The following STIMATE variants were observed in gnomAD, a reference collection of about 807,000 sequenced individuals.
The protein encoded by STIMATE is STIM activating enhancer, also known as store-operated calcium entry regulator STIMATE.
In STIMATE, 15 loss-of-function variants were observed where a neutral mutation model predicts 36.7. That is an observed-to-expected ratio of 0.41 (90% CI 0.27 to 0.63). STIMATE has a LOEUF of 0.63. Among genes scored for constraint, STIMATE ranks in the 20% least tolerant of loss-of-function variants. The pLI, the probability that STIMATE is intolerant of heterozygous loss-of-function variation, is 0.32. For missense variants in STIMATE, 305 were observed against 397.3 expected (o/e 0.77, Z 1.98); for synonymous variants, 163 against 162.3 (o/e 1.00, Z -0.03).
At chr3:52,843,114 T>G in intron 6 of STIMATE, 154 bp from the exon 7 acceptor site, 1 of 1,338,162 alleles carries the variant, frequency 7.5e-7, no homozygotes, top group African/African-American at 1.5e-5. Context: ...TCCCAAAGCT[T>G]AGAAAGAGAT....
At chr3:52,877,957 G>A (rs148477578) in intron 1 of STIMATE, among the ~76,000 whole-genome samples, 4,477 of 152,200 alleles carry the variant, frequency 0.029, 219 homozygotes, top group African/African-American at 0.1. Flanking sequence ...TAGCCAGTGT[G>A]GTGGCACATG....
intron 1 of STIMATE, among the ~76,000 whole-genome samples, chr3:52,887,999 T>TTTTTTTTTTTTTTTTTTG (rs1701719874): frequency 7.7e-6 from 1 of 130,122 alleles, no homozygotes; most frequent in Non-Finnish European, 1.6e-5. Context: ...AATCAGTTTT[T>TTTTTTTTTTTTTTTTTTG]TTTTTTTTTT....
Position 52,842,837 on chromosome 3 carries a change from C to G in STIMATE, c.742G>C (p.Ala248Pro), listed in dbSNP as rs138500617. The change falls in exon 7 of 8, where the codon GCA becomes CCA. Residue 248 changes from alanine (A) to proline (P), a missense_variant. Physicochemically the swap from Ala to Pro is conservative, Grantham distance 27. Around this residue, in one of 3 missense-constraint regions of STIMATE, gnomAD observed 84 missense variants for 82.4 expected, o/e 1.02. Coordinates refer to ENST00000355083, the MANE Select transcript of STIMATE (RefSeq NM_198563.5). ...TCAGACTCAGACTCCTCGTGGGATGCGGCCCTCCGGTAGCGGACCTTGCTC... is the reference window on the plus strand; with the variant it reads ...TCAGACTCAGACTCCTCGTGGGATGGGGCCCTCCGGTAGCGGACCTTGCTC... ...NGSKVRYRRA[A>P]SHEESESEIL... is the part of the protein sequence containing the mutation. 6.2e-7 allele frequency: 1 copy of G among 1,614,086 alleles called. No homozygotes were observed. Among genetic ancestry groups the G allele is most frequent in the African/African-American group, 1.3e-5 (1 of 74,934 alleles).
intron 1 of STIMATE, among the ~76,000 whole-genome samples, chr3:52,894,292 G>A (rs980106913): frequency 6.6e-6 from 1 of 152,200 alleles, no homozygotes; most frequent in African/African-American, 2.4e-5. Context: ...CAACAAGGCA[G>A]TGCTGACACT....
At chr3:52,847,283 T>C in intron 4 of STIMATE, 3 of 1,172,518 alleles carry the variant, frequency 2.6e-6, no homozygotes, top group Non-Finnish European at 3.2e-6. Context: ...TTTAATTATT[T>C]CCTCAGTAGA....
intron 3 of STIMATE, among the ~76,000 whole-genome samples, chr3:52,850,191 G>A (rs1213659447): frequency 1.3e-5 from 2 of 152,210 alleles, no homozygotes; most frequent in Non-Finnish European, 1.5e-5. Flanking sequence ...CCAGCACTTT[G>A]GGAGGCCGAG....
At chr3:52,870,601 G>A (rs956437211) in intron 1 of STIMATE, among the ~76,000 whole-genome samples, 5 of 152,128 alleles carry the variant, frequency 3.3e-5, no homozygotes, top group Admixed American at 1.3e-4. Flanking sequence ...CCAGGGTGAG[G>A]GCACTAGTGA....
intron 1 of STIMATE, among the ~76,000 whole-genome samples, chr3:52,875,720 T>A (rs956097059): frequency 1.3e-5 from 2 of 152,254 alleles, no homozygotes; most frequent in Non-Finnish European, 2.9e-5. Context: ...TTCACTTAAC[T>A]GGGTCACTCA....
At chr3:52,844,330 G>A (rs1487367917) in intron 5 of STIMATE, among the ~76,000 whole-genome samples, 1 of 152,272 alleles carries the variant, frequency 6.6e-6, no homozygotes, top group Non-Finnish European at 1.5e-5. Flanking sequence ...GGTCTCATGT[G>A]GGCATTCGGG....
At chr3:52,884,246 G>GTT (rs10716399) in intron 1 of STIMATE, among the ~76,000 whole-genome samples, 27 of 128,702 alleles carry the variant, frequency 2.1e-4, no homozygotes, top group Admixed American at 3.1e-4. Flanking sequence ...CACCCAAAAA[G>GTT]TTTTTTTTTT....
chr3:52,859,843 C>T (rs541886738), intron 1 of STIMATE, among the ~76,000 whole-genome samples: 212 of 152,076 alleles, frequency 1.4e-3, no homozygotes, highest in Non-Finnish European at 2.6e-3. Flanking sequence ...GGAGAATCAG[C>T]GTGACCTACA....
intron 3 of STIMATE, among the ~76,000 whole-genome samples, chr3:52,851,136 G>A (rs889798110): frequency 1.3e-5 from 2 of 152,184 alleles, no homozygotes; most frequent in Non-Finnish European, 2.9e-5. Context: ...GTTCTTGTAC[G>A]GTCTGTTTCC....
At chr3:52,858,432 G>A (rs1302837111) in intron 1 of STIMATE, among the ~76,000 whole-genome samples, 2 of 151,896 alleles carry the variant, frequency 1.3e-5, no homozygotes, top group African/African-American at 2.4e-5. Flanking sequence ...AGACCAGCCC[G>A]GGCAACACCG....
intron 1 of STIMATE, among the ~76,000 whole-genome samples, chr3:52,889,867 T>C (rs1701753744): frequency 6.6e-6 from 1 of 152,162 alleles, no homozygotes; most frequent in African/African-American, 2.4e-5. Context: ...TGACACCCAA[T>C]AATTTAACGC....
chr3:52,855,910 T>TATCAC, intron 1 of STIMATE, among the ~76,000 whole-genome samples: 1 of 152,310 alleles, frequency 6.6e-6, no homozygotes, highest in East Asian at 1.9e-4. Flanking sequence ...ACATATCACA[T>TATCAC]ACGGTGTGAC....
intron 1 of STIMATE, among the ~76,000 whole-genome samples, chr3:52,883,599 G>A (rs1275877432): frequency 6.6e-6 from 1 of 151,970 alleles, no homozygotes; most frequent in Admixed American, 6.5e-5. Context: ...TTTTCCCATG[G>A]GTCACTAAGG....
rs553232855 is a variant in STIMATE, at chr3:52,851,036, T to TA, written c.306-1124dup. Among the ~76,000 whole-genome samples the TA allele has an allele frequency of 1.2e-4, 18 of 152,318 alleles. No homozygotes were observed. In the South Asian group the frequency reaches 3.5e-3, roughly 30 times the overall value. Reference sequence around the variant, plus strand: ...GAGCCACCGTGCCCGGCCTACACTTTAAAGAGCGAGCTTTACTCCCCATGG... The same window carrying TA: ...GAGCCACCGTGCCCGGCCTACACTTTAAAAGAGCGAGCTTTACTCCCCATGG... On this transcript the variant is annotated intron_variant, in intron 3 of 7. Coordinates refer to ENST00000355083, the MANE Select transcript of STIMATE (RefSeq NM_198563.5).
At chr3:52,843,696 G>T (rs1578798257) in intron 6 of STIMATE, 25 bp downstream of exon 6, 1 of 1,614,102 alleles carries the variant, frequency 6.2e-7, no homozygotes. Flanking sequence ...AGCAAATCGG[G>T]ATAAAAATGC....
chr3:52,892,404 A>G (rs1701797249), intron 1 of STIMATE, among the ~76,000 whole-genome samples: 1 of 152,226 alleles, frequency 6.6e-6, no homozygotes, highest in Non-Finnish European at 1.5e-5. Context: ...AAAACTTTCT[A>G]AAAATGAAAG....
Sources: allele counts gnomAD v4.1 joint callset (sites outside exome capture counted in the v4.1 genomes callset), GRCh38; gene constraint gnomAD v4.1.1; regional missense constraint gnomAD v4.1.1; transcripts MANE v1.5; gene names NCBI Gene and HGNC (gene_info 2026-07-23, HGNC 2026-07-21).